PDE4D: variants seen among roughly 807,000 people sequenced by gnomAD.
PDE4D encodes 3',5'-cyclic-AMP phosphodiesterase 4D.
A neutral mutation model predicts 87.4 loss-of-function variants in PDE4D; 24 were observed. The ratio of observed to expected loss-of-function variants is 0.27; its 90% confidence interval spans 0.20 to 0.39. The LOEUF (loss-of-function observed/expected upper bound fraction) is 0.39. Among genes scored for constraint, PDE4D ranks in the 10% least tolerant of loss-of-function variants. The pLI is 1.00. For synonymous variants in PDE4D, 384 were observed against 383.2 expected (o/e 1.00, Z -0.02); for missense variants, 714 against 1,041.0 (o/e 0.69, Z 4.32).
intron 2 of PDE4D, among the ~76,000 whole-genome samples, chr5:60,073,490 G>C (rs1313707423): frequency 7.9e-6 from 1 of 126,966 alleles, no homozygotes; most frequent in African/African-American, 2.9e-5. Context: ...TGTTTGCCAG[G>C]TGTTTTTTTT....
intron 3 of PDE4D, among the ~76,000 whole-genome samples, chr5:59,981,182 G>T (rs980659199): frequency 1.3e-5 from 2 of 152,138 alleles, no homozygotes; most frequent in African/African-American, 2.4e-5. Flanking sequence ...AACCTGGGGG[G>T]CGGAGGTTGC....
chr5:59,575,926 A>G (rs1388702076), intron 1 of PDE4D, among the ~76,000 whole-genome samples: 3 of 152,196 alleles, frequency 2.0e-5, no homozygotes, highest in Non-Finnish European at 4.4e-5. Context: ...ATTATCCCTC[A>G]TAATTCAAAC....
chr5:59,555,172 T>C (rs1818691311), intron 1 of PDE4D, among the ~76,000 whole-genome samples: 1 of 152,168 alleles, frequency 6.6e-6, no homozygotes, highest in African/African-American at 2.4e-5. Flanking sequence ...TATACAGTCA[T>C]ACAAAAATGC....
chr5:60,413,301 A>G (rs1343333020), intron 1 of PDE4D, among the ~76,000 whole-genome samples: 1 of 152,202 alleles, frequency 6.6e-6, no homozygotes, highest in African/African-American at 2.4e-5. Context: ...AGAAAAAGGT[A>G]TATTGTCAGG....
Position 59,022,680 on chromosome 5 carries a change from T to C in PDE4D, c.921+16179A>G, listed in dbSNP as rs114668894. On this transcript the variant is annotated intron_variant, in intron 6 of 14. Coordinates refer to ENST00000340635, the MANE Select transcript of PDE4D (RefSeq NM_001104631.2). ...CCCTATTATCCTTCTGTGCACATGT[T>C]AGAGGGCACATGCTCCTCCTAGGAA... is the stretch of plus-strand genomic sequence containing the variant. Among the ~76,000 whole-genome samples, 655 of 152,212 alleles carry C rather than the reference T, an allele frequency of 4.3e-3. 4 individuals are homozygous for C. Among genetic ancestry groups the C allele is most frequent in the African/African-American group, 0.015 (610 of 41,528 alleles).
At chr5:59,077,897 C>A (rs1165457038) in intron 5 of PDE4D, among the ~76,000 whole-genome samples, 1 of 152,172 alleles carries the variant, frequency 6.6e-6, no homozygotes. Context: ...GTGTATACTG[C>A]AGATTTTAAC....
At chr5:60,274,543 T>C (rs1249137607) in intron 1 of PDE4D, among the ~76,000 whole-genome samples, 1 of 152,120 alleles carries the variant, frequency 6.6e-6, no homozygotes, top group Non-Finnish European at 1.5e-5. Context: ...GTATTTTCAG[T>C]AGAGACAGGT....
intron 1 of PDE4D, among the ~76,000 whole-genome samples, chr5:60,236,235 A>C (rs1746412651): frequency 6.6e-6 from 1 of 151,954 alleles, no homozygotes; most frequent in Admixed American, 6.6e-5. Flanking sequence ...TTTAAAAATC[A>C]ATGAATTGGA....
At chr5:60,457,865 G>A (rs1746595506) in intron 1 of PDE4D, among the ~76,000 whole-genome samples, 1 of 152,172 alleles carries the variant, frequency 6.6e-6, no homozygotes, top group Admixed American at 6.5e-5. Flanking sequence ...TGGTTGATGT[G>A]AGCACTTGTG....
At chr5:60,251,291 A>AT (rs1748423213) in intron 1 of PDE4D, among the ~76,000 whole-genome samples, 1 of 145,650 alleles carries the variant, frequency 6.9e-6, no homozygotes, top group Non-Finnish European at 1.6e-5. Context: ...TTTGGTGTAC[A>AT]GATTATTTCA....
At chr5:59,593,037 T>C (rs1826129215) in intron 1 of PDE4D, among the ~76,000 whole-genome samples, 1 of 151,726 alleles carries the variant, frequency 6.6e-6, no homozygotes, top group African/African-American at 2.4e-5. Flanking sequence ...ACCTTTAAAA[T>C]TTGCTTAGTA....
intron 1 of PDE4D, among the ~76,000 whole-genome samples, chr5:60,435,569 A>AT (rs1055046177): frequency 1.6e-4 from 24 of 151,434 alleles, no homozygotes; most frequent in African/African-American, 2.9e-4. Context: ...AGCTTTCAAG[A>AT]TTTTTTTTTG....
intron 1 of PDE4D, among the ~76,000 whole-genome samples, chr5:59,651,036 A>T (rs1743378920): frequency 6.6e-6 from 1 of 152,032 alleles, no homozygotes; most frequent in Non-Finnish European, 1.5e-5. Flanking sequence ...TGGGCGGATC[A>T]CGAGGTCAGG....
intron 1 of PDE4D, among the ~76,000 whole-genome samples, chr5:59,678,213 G>T (rs887013056): frequency 2.0e-5 from 3 of 152,030 alleles, no homozygotes; most frequent in Admixed American, 6.6e-5. Context: ...TATTTTCATG[G>T]TAATAGTTTT....
chr5:59,365,208 C>CA (rs1326980833), intron 1 of PDE4D, among the ~76,000 whole-genome samples: 1 of 152,088 alleles, frequency 6.6e-6, no homozygotes, highest in Non-Finnish European at 1.5e-5. Flanking sequence ...CCTGTAATCC[C>CA]AGCACTTTGG....
At chr5:60,154,276 T>C (rs549461950) in intron 2 of PDE4D, among the ~76,000 whole-genome samples, 2 of 97,344 alleles carry the variant, frequency 2.1e-5, no homozygotes, top group South Asian at 7.0e-4. Flanking sequence ...AAAAATTCTA[T>C]TAACTTCTTT....
At chr5:60,310,724 A>G (rs1261257144) in intron 1 of PDE4D, among the ~76,000 whole-genome samples, 1 of 152,200 alleles carries the variant, frequency 6.6e-6, no homozygotes, top group African/African-American at 2.4e-5. Flanking sequence ...CTCTTGCTCT[A>G]CTTCTGACAC....
At chr5:59,091,358 T>C (rs1431813117) in intron 5 of PDE4D, among the ~76,000 whole-genome samples, 1 of 151,962 alleles carries the variant, frequency 6.6e-6, no homozygotes, top group Non-Finnish European at 1.5e-5. Context: ...TTATTCATAA[T>C]ATTTCCAAAC....
At chr5:60,253,983 T>C (rs1748762753) in intron 1 of PDE4D, among the ~76,000 whole-genome samples, 1 of 151,920 alleles carries the variant, frequency 6.6e-6, no homozygotes, top group African/African-American at 2.4e-5. Context: ...AAGTTTCTTG[T>C]TTCTGAAAAG....
Sources: allele counts gnomAD v4.1 joint callset (sites outside exome capture counted in the v4.1 genomes callset), GRCh38; gene constraint gnomAD v4.1.1; transcripts MANE v1.5; gene names NCBI Gene and HGNC (gene_info 2026-07-23, HGNC 2026-07-21).